Variants in GPRC5B observed in about 807,000 individuals in gnomAD.
GPRC5B encodes the protein G protein-coupled receptor family C group 5 member B.
A neutral mutation model predicts 30.1 loss-of-function variants in GPRC5B; 16 were observed. The ratio of observed to expected loss-of-function variants is 0.53; its 90% CI spans 0.36 to 0.81. The LOEUF (loss-of-function observed/expected upper bound fraction) is 0.81. Among genes scored for constraint, GPRC5B ranks in the 30% least tolerant of loss-of-function variants. The pLI is 0.01. For missense variants in GPRC5B, 428 were observed against 544.7 expected, an observed-to-expected ratio of 0.79 and a Z score of 2.13; for synonymous variants, 241 against 239.5, an observed-to-expected ratio of 1.01 and a Z score of -0.06.
In GPRC5B at chr16:19,870,074, A is replaced by G. The variant is rs958513574; in HGVS notation, c.1030+1742T>C. On this transcript the variant is annotated intron_variant, in intron 2 of 3. Coordinates refer to ENST00000300571, the MANE Select transcript of GPRC5B (RefSeq NM_016235.3). ...TGGGCAACAGAGCGAGACTCAATCCATAAAAAACCAAAACCAAAACCAAAT... is the reference window on the plus strand; with the variant it reads ...TGGGCAACAGAGCGAGACTCAATCCGTAAAAAACCAAAACCAAAACCAAAT... Among the ~76,000 whole-genome samples the G allele has an allele frequency of 2.6e-5, 4 of 152,112 alleles. No individual in the cohort carries two copies. In the East Asian group the frequency reaches 7.7e-4, roughly 29 times the overall value.
rs543051788 is a variant in GPRC5B at position 19,872,008 on chromosome 16, C to T, written c.838G>A (p.Gly280Ser). ...GCGTGGAAGATGACGAAGACCCAGC[C>T]GCTGGCCGCCAGCGTGATGGCCAAG... ...PTLAITLAAS[G>S]WVFVIFHAIP... Residue 280 changes from glycine to serine, a missense_variant, in exon 2 of 4, where the codon GGC becomes AGC. By Grantham distance (56) the Gly-to-Ser change is moderately conservative (BLOSUM62 0). Coordinates refer to ENST00000300571, the MANE Select transcript of GPRC5B (RefSeq NM_016235.3). This position sits in a 1 kb window ranked among gnomAD's most constrained non-coding sequence, Gnocchi z 5.0. 1.2e-5 allele frequency: 19 copies of T among 1,614,076 alleles called. No homozygotes were observed. The highest frequency in any genetic ancestry group is 1.3e-5 in the African/African-American group (1 of 75,026).
rs2056604586 is a variant in GPRC5B at position 19,859,678 on chromosome 16, G to GT, written c.*821dup. 6.6e-6 allele frequency: 1 copy of GT among 152,322 alleles called. No homozygotes were observed. The highest frequency in any genetic ancestry group is 2.4e-5 in the African/African-American group (1 of 41,426). 9.4% of individuals were successfully genotyped at this position (152,322 alleles called of 1,614,324 possible). A position where few individuals can be genotyped will look rare whatever the true frequency, so the allele number is the denominator to read the frequency against. On this transcript the variant is annotated 3_prime_UTR_variant, in exon 4 of 4. Transcript: ENST00000300571. ...TGGGAGAGGATTTGGAGATACACCC[G>GT]TAAGTGTAGGAACAGGGCGAGATGA...
intron 2 of GPRC5B, among the ~76,000 whole-genome samples, chr16:19,866,661 C>T (rs566509695): frequency 1.4e-3 from 215 of 152,248 alleles, no homozygotes; most frequent in Non-Finnish European, 2.5e-3. Flanking sequence ...ATTACAGAGG[C>T]GTGAGCCAGC....
chr16:19,884,486 C>G (rs1221616295), intron 1 of GPRC5B, among the ~76,000 whole-genome samples: 1 of 151,090 alleles, frequency 6.6e-6, no homozygotes, highest in Non-Finnish European at 1.5e-5. Flanking sequence ...TCCCTCCCCC[C>G]GTAAAGGTCC....
chr16:19,857,030 C>T lies in GPRC5B; in HGVS notation c.*3470G>A, dbSNP rs931637519. On this transcript the variant is annotated 3_prime_UTR_variant, in exon 4 of 4. Transcript: ENST00000300571. ...ACTTAATGATCATTTCCAAAGGAGACCACTCCTTAACTTTTACTGCAAACC... is the reference window on the plus strand; with the variant it reads ...ACTTAATGATCATTTCCAAAGGAGATCACTCCTTAACTTTTACTGCAAACC... 2 of 168,412 alleles carry T rather than the reference C, an allele frequency of 1.2e-5. No individual in the cohort carries two copies. The highest frequency in any genetic ancestry group is 2.5e-5 in the Non-Finnish European group (2 of 79,222). 10.4% of individuals were successfully genotyped at this position (168,412 alleles called of 1,614,324 possible). A position where few individuals can be genotyped will look rare whatever the true frequency, so the allele number is the denominator to read the frequency against.
chr16:19,868,041 C>G (rs535439633), intron 2 of GPRC5B, among the ~76,000 whole-genome samples: 4 of 150,570 alleles, frequency 2.7e-5, no homozygotes, highest in Non-Finnish European at 5.9e-5. Context: ...CACTCCAGCT[C>G]GGGTGACAGA....
intron 3 of GPRC5B, 70 bp from the exon 4 acceptor site, chr16:19,860,614 C>G: frequency 1.0e-6 from 1 of 955,962 alleles, no homozygotes; most frequent in Non-Finnish European, 1.7e-6. Context: ...GAAACCGATG[C>G]GTAAACAACG....
rs1229471291 is a variant in GPRC5B, at chr16:19,872,397, A to G, written c.449T>C (p.Leu150Pro). Residue 150 changes from leucine (L) to proline (P), a missense_variant, in exon 2 of 4, where the codon CTG (leucine) becomes CCG (proline). This residue lies in a region of GPRC5B where 196 missense variants were observed against 272.6 expected (regional missense o/e 0.72). Coordinates refer to ENST00000300571, the MANE Select transcript of GPRC5B (RefSeq NM_016235.3). The surrounding 1 kb of genome is among the most constrained non-coding windows in gnomAD (Gnocchi z 5.0). ...LLSQAWRVRR[L>P]VRHGTGPAGW... ...CGCGGGGCCCGTGCCATGCCGCACC[A>G]GCCTCCGCACGCGCCATGCCTGGCT... 6.2e-7 allele frequency: 1 copy of G among 1,613,534 alleles called. No homozygotes were observed. Among genetic ancestry groups the G allele is most frequent in the South Asian group, 1.1e-5 (1 of 91,046 alleles).
rs1345730492 is a variant in GPRC5B, at chr16:19,858,713, TC to T, written c.*1786del. The T allele has an allele frequency of 6.5e-6, 3 of 461,082 alleles. No homozygotes were observed. In the East Asian group the frequency reaches 9.9e-5, roughly 15 times the overall value. 28.6% of individuals were successfully genotyped at this position (461,082 alleles called of 1,614,324 possible). On this transcript the variant is annotated 3_prime_UTR_variant, in exon 4 of 4. Transcript: ENST00000300571. The stretch of plus-strand genomic sequence containing the variant: ...CTCCCCAGGACTCTTACGTTTTCTG[TC>T]CACGCAATGACTGGAACGGGATTCT...
At chr16:19,885,386 C>T, upstream of GPRC5B, 1 of 1,171,634 alleles carries the variant, frequency 8.5e-7, no homozygotes, top group Non-Finnish European at 1.1e-6. The surrounding 1 kb of genome is among the most constrained non-coding windows in gnomAD (Gnocchi z 5.3). Flanking sequence ...TACACCTAGG[C>T]GCACACACAC....
In GPRC5B at chr16:19,861,946, C is replaced by T. The variant is rs2056628013; in HGVS notation, c.1058G>A (p.Gly353Asp). ...GCCACTGGGTCTTTTTCCCAAGCTGCCGTTGGGAAATCCTGCTGTTCGGAG... is the reference window on the plus strand; with the variant it reads ...GCCACTGGGTCTTTTTCCCAAGCTGTCGTTGGGAAATCCTGCTGTTCGGAG... Reference protein sequence around the residue: ...AALRTAGFPNGSLGKRPSGSL... With the variant: ...AALRTAGFPNDSLGKRPSGSL... Residue 353 changes from glycine (G) to aspartate (D), a missense_variant, in exon 3 of 4, where the codon GGC (glycine) becomes GAC (aspartate). Physicochemically the swap from Gly to Asp is moderately conservative, Grantham distance 94. Transcript: ENST00000300571. 3.1e-6 allele frequency: 5 copies of T among 1,613,582 alleles called. No individual in the cohort carries two copies. The highest frequency in any genetic ancestry group is 4.2e-6 in the Non-Finnish European group (5 of 1,179,626).
chr16:19,876,482 G>A (rs562760597), intron 1 of GPRC5B, among the ~76,000 whole-genome samples: 53 of 152,134 alleles, frequency 3.5e-4, no homozygotes, highest in Admixed American at 9.2e-4. Flanking sequence ...CTGCACCCTG[G>A]GTCTCCTTGC....
At chr16:19,879,149 G>A (rs2056783402) in intron 1 of GPRC5B, among the ~76,000 whole-genome samples, 1 of 152,096 alleles carries the variant, frequency 6.6e-6, no homozygotes, top group Non-Finnish European at 1.5e-5. Context: ...ACCCCCGAGA[G>A]CTGGGCAGCT....
intron 3 of GPRC5B, 25 bp downstream of exon 3, chr16:19,861,812 C>A: frequency 6.2e-7 from 1 of 1,606,696 alleles, no homozygotes; most frequent in Non-Finnish European, 8.5e-7. Flanking sequence ...GGCTTCCTAC[C>A]CCCACATCAC....
intron 3 of GPRC5B, among the ~76,000 whole-genome samples, chr16:19,861,393 T>A (rs1892383620): frequency 6.6e-6 from 1 of 152,178 alleles, no homozygotes; most frequent in Non-Finnish European, 1.5e-5. Flanking sequence ...TGCTTCAATT[T>A]CTTAAGACAT....
chr16:19,861,943 C>T lies in GPRC5B; in HGVS notation c.1061G>A (p.Ser354Asn), dbSNP rs2056627975. The T allele has an allele frequency of 6.2e-7, 1 of 1,613,658 alleles. No individual in the cohort carries two copies. The highest frequency in any genetic ancestry group is 1.3e-5 in the African/African-American group (1 of 74,924). The change falls in exon 3 of 4, where the codon AGC becomes AAC. Residue 354 changes from serine (S) to asparagine (N), a missense_variant. Physicochemically the swap from Ser to Asn is conservative, Grantham distance 46. Transcript: ENST00000300571. ...ALRTAGFPNG[S>N]LGKRPSGSLG... is the part of the protein sequence containing the mutation. The stretch of plus-strand genomic sequence containing the variant: ...GCTGCCACTGGGTCTTTTTCCCAAG[C>T]TGCCGTTGGGAAATCCTGCTGTTCG...
At chr16:19,861,785 G>T in intron 3 of GPRC5B, 52 bp downstream of exon 3, 1 of 1,545,136 alleles carries the variant, frequency 6.5e-7, no homozygotes, top group Non-Finnish European at 8.9e-7. Context: ...GCTGCTCCCC[G>T]ACACCGTAGA....
At chr16:19,863,080 A>C (rs2056639898) in intron 2 of GPRC5B, among the ~76,000 whole-genome samples, 1 of 152,164 alleles carries the variant, frequency 6.6e-6, no homozygotes, top group African/African-American at 2.4e-5. Flanking sequence ...GGCACTGTGC[A>C]AAGTACTTTA....
rs963495181 is a variant in GPRC5B, at chr16:19,858,133, G to A, written c.*2367C>T. The A allele has an allele frequency of 1.8e-4, 36 of 198,550 alleles. 1 individual carries two copies. The Admixed American group carries it at 1.9e-3, about 10-fold the overall frequency. The allele number at this position is 198,550 out of a possible 1,614,324, so 12.3% of individuals were successfully genotyped here. A position where few individuals can be genotyped will look rare whatever the true frequency, so the allele number is the denominator to read the frequency against. ...AAACCTTGCTCCACGGGGGGCAGCT[G>A]GCTGCTACAGTCTCTTGGCAAAGAT... On this transcript the variant is annotated 3_prime_UTR_variant, in exon 4 of 4. Transcript: ENST00000300571.
Sources: allele counts gnomAD v4.1 joint callset (sites outside exome capture counted in the v4.1 genomes callset), GRCh38; gene constraint gnomAD v4.1.1; regional missense constraint gnomAD v4.1.1; non-coding constraint Gnocchi (gnomAD v3.1); transcripts MANE v1.5; gene names NCBI Gene and HGNC (gene_info 2026-07-23, HGNC 2026-07-21).